Variants in BLM observed in about 807,000 individuals in gnomAD.
BLM encodes recQ-like DNA helicase BLM.
A neutral mutation model predicts 135.3 loss-of-function variants in BLM; 95 were observed. That is an observed-to-expected ratio of 0.70 (90% CI 0.59 to 0.83). The LOEUF (loss-of-function observed/expected upper bound fraction) is 0.83. Among genes scored for constraint, BLM ranks in the 40% least tolerant of loss-of-function variants. BLM has a pLI of 0.00. For missense variants in BLM, 1,518 were observed against 1,663.9 expected (o/e 0.91, Z 1.53); for synonymous variants, 520 against 589.2 (o/e 0.88, Z 1.70).
At chr15:90,736,364 T>C (rs115157502) in intron 1 of BLM, among the ~76,000 whole-genome samples, 4,885 of 152,084 alleles carry the variant, frequency 0.032, 297 homozygotes, top group African/African-American at 0.11. Context: ...CCAGGCTCAA[T>C]TGATCCCACC....
chr15:90,748,217 T>G (rs1895560616), intron 2 of BLM, among the ~76,000 whole-genome samples: 2 of 152,042 alleles, frequency 1.3e-5, no homozygotes, highest in South Asian at 4.2e-4. Context: ...CAAGTGATTC[T>G]CCTGCCTCAG....
rs1035455107 is a variant in BLM at position 90,761,200 on chromosome 15, A to T, written c.1827A>T (p.Pro609=). The change falls in exon 7 of 22, where the codon CCA becomes CCT. Residue 609 remains proline, a synonymous_variant. Transcript: ENST00000355112. ...RLSSAKTDCL[P]VSSTAQNINF... ...CCTCAGCCAAGACAGACTGTCTTCC[A>T]GTGTCATCTACTGCTCAAAATATAA... 6.5e-7 allele frequency: 1 copy of T among 1,533,432 alleles called. No individual in the cohort carries two copies. The highest frequency in any genetic ancestry group is 8.7e-7 in the Non-Finnish European group (1 of 1,145,184). 95.0% of individuals were successfully genotyped at this position (1,533,432 alleles called of 1,614,324 possible). A position where few individuals can be genotyped will look rare whatever the true frequency, so the allele number is the denominator to read the frequency against.
chr15:90,745,043 A>T (rs1368274940), intron 1 of BLM, among the ~76,000 whole-genome samples: 1 of 152,092 alleles, frequency 6.6e-6, no homozygotes, highest in Non-Finnish European at 1.5e-5. Flanking sequence ...ACCCTGTCTC[A>T]AAAAAGAAAA....
At chr15:90,780,400 A>G (rs563033511) in intron 12 of BLM, among the ~76,000 whole-genome samples, 1 of 152,098 alleles carries the variant, frequency 6.6e-6, no homozygotes, top group Non-Finnish European at 1.5e-5. Context: ...CTTTTTTCTA[A>G]TTAGAGACGA....
chr15:90,766,149 T>A (rs1896120773), intron 9 of BLM, among the ~76,000 whole-genome samples: 2 of 152,256 alleles, frequency 1.3e-5, no homozygotes, highest in South Asian at 4.1e-4. Context: ...GAGTTATGAG[T>A]CACCACCCCT....
At chr15:90,737,640 A>G (rs925529719) in intron 1 of BLM, among the ~76,000 whole-genome samples, 3 of 152,218 alleles carry the variant, frequency 2.0e-5, no homozygotes, top group African/African-American at 7.2e-5. Context: ...AAACGAAAAC[A>G]CAACATGCCA....
chr15:90,725,763 G>A (rs376205664), intron 1 of BLM, among the ~76,000 whole-genome samples: 29 of 150,922 alleles, frequency 1.9e-4, no homozygotes, highest in African/African-American at 5.1e-4. Flanking sequence ...CACCCGCCTC[G>A]GCCTCCCAAA....
intron 4 of BLM, among the ~76,000 whole-genome samples, chr15:90,753,031 G>A (rs1034775362): frequency 3.9e-5 from 6 of 152,108 alleles, no homozygotes; most frequent in Non-Finnish European, 8.8e-5. Context: ...TGTGTGTTAC[G>A]CAAATAATAT....
chr15:90,787,400 C>G (rs757219542), intron 14 of BLM, among the ~76,000 whole-genome samples: 1 of 151,976 alleles, frequency 6.6e-6, no homozygotes, highest in African/African-American at 2.4e-5. Context: ...TGGATAGATC[C>G]CTCTAAATGA....
intron 12 of BLM, 129 bp from the exon 13 acceptor site, chr15:90,782,693 C>T (rs1896645860): frequency 2.9e-6 from 2 of 697,230 alleles, no homozygotes; most frequent in Admixed American, 2.4e-5. Context: ...AATTATCTCC[C>T]GGAGGCTCCA....
intron 5 of BLM, among the ~76,000 whole-genome samples, chr15:90,757,415 A>C (rs1170259011): frequency 1.3e-5 from 2 of 151,948 alleles, no homozygotes; most frequent in African/African-American, 4.8e-5. Flanking sequence ...ACCCCCTTTT[A>C]TCTCCCTCTG....
chr15:90,811,464 C>T, intron 21 of BLM, 58 bp downstream of exon 21: 1 of 1,537,384 alleles, frequency 6.5e-7, no homozygotes, highest in Non-Finnish European at 9.0e-7. Context: ...GACAAAAGTG[C>T]AACAGCTCTG....
intron 16 of BLM, among the ~76,000 whole-genome samples, chr15:90,796,117 A>G (rs958118386): frequency 1.3e-5 from 2 of 152,242 alleles, no homozygotes; most frequent in Non-Finnish European, 2.9e-5. Context: ...CTAGAGTCCC[A>G]GAGTAACTGG....
intron 1 of BLM, among the ~76,000 whole-genome samples, chr15:90,721,330 C>CT (rs1415149654): frequency 6.6e-6 from 1 of 151,740 alleles, no homozygotes; most frequent in Non-Finnish European, 1.5e-5. Context: ...TTTTTCTTTT[C>CT]TTTTTTCTTT....
chr15:90,734,861 A>G (rs1895169462), intron 1 of BLM, among the ~76,000 whole-genome samples: 1 of 152,184 alleles, frequency 6.6e-6, no homozygotes, highest in Admixed American at 6.6e-5. Context: ...GGCTTAGCCA[A>G]TGCAGTTAGA....
intron 1 of BLM, among the ~76,000 whole-genome samples, chr15:90,743,633 G>A (rs758316557): frequency 9.9e-5 from 15 of 152,016 alleles, no homozygotes; most frequent in Non-Finnish European, 1.9e-4. Flanking sequence ...CTGAACTCCT[G>A]GGCTCATGCA....
rs773935119 is a variant in BLM, at chr15:90,803,728, A to AT, written c.3558+13dup. On this transcript the variant is annotated intron_variant, in intron 18 of 21. Coordinates refer to ENST00000355112, the MANE Select transcript of BLM (RefSeq NM_000057.4). ...CTAAATGGCAATTTAAAGGTATAGT[A>AT]TTTTTCATGTTTATTTTATTATCTC... 6.2e-7 allele frequency: 1 copy of AT among 1,612,904 alleles called. No homozygotes were observed.
In BLM at chr15:90,815,330, A is replaced by T. The variant is rs1267743768; in HGVS notation, c.*51A>T. On this transcript the variant is annotated 3_prime_UTR_variant, in exon 22 of 22. Coordinates refer to ENST00000355112, the MANE Select transcript of BLM (RefSeq NM_000057.4). This position sits in a 1 kb window ranked among gnomAD's most constrained non-coding sequence, Gnocchi z 4.6. ...CCTCTTTCTTGTTTGTCAGCATCTG[A>T]CCATCTGTGACTATAAAGCTGTTAT... 3.2e-6 allele frequency: 5 copies of T among 1,571,030 alleles called. No homozygotes were observed. The highest frequency in any genetic ancestry group is 3.3e-4 in the Middle Eastern group (2 of 5,978).
At chr15:90,730,188 A>C (rs1490044337) in intron 1 of BLM, among the ~76,000 whole-genome samples, 1 of 152,140 alleles carries the variant, frequency 6.6e-6, no homozygotes, top group Non-Finnish European at 1.5e-5. Context: ...AGATTCTTTT[A>C]GATGTTCCAC....
Sources: allele counts gnomAD v4.1 joint callset (sites outside exome capture counted in the v4.1 genomes callset), GRCh38; gene constraint gnomAD v4.1.1; non-coding constraint Gnocchi (gnomAD v3.1); transcripts MANE v1.5; gene names NCBI Gene and HGNC (gene_info 2026-07-23, HGNC 2026-07-21).